Variants in SLIT3 observed in about 807,000 individuals in gnomAD.
The protein encoded by SLIT3 is slit homolog 3 protein.
SLIT3 carries 68 observed loss-of-function variants against 184.0 expected under a neutral mutation model. The observed-to-expected ratio is 0.37, with a 90% confidence interval of 0.30 to 0.45. The LOEUF is 0.45. Among genes scored for constraint, SLIT3 ranks in the 20% least tolerant of loss-of-function variants. The pLI is 1.00. For missense variants in SLIT3, 1,707 were observed against 2,026.0 expected (o/e 0.84, Z 3.02); for synonymous variants, 831 against 828.6 (o/e 1.00, Z -0.05).
At chr5:169,128,601 T>A (rs1206094511) in intron 4 of SLIT3, among the ~76,000 whole-genome samples, 1 of 152,044 alleles carries the variant, frequency 6.6e-6, no homozygotes, top group Non-Finnish European at 1.5e-5. Context: ...GCTAATGTTT[T>A]TGTATTTTTA....
chr5:168,760,069 G>A (rs1467236498), intron 16 of SLIT3, among the ~76,000 whole-genome samples: 1 of 152,216 alleles, frequency 6.6e-6, no homozygotes, highest in African/African-American at 2.4e-5. Context: ...CATTAGCTGT[G>A]TGGTCTTAGA....
intron 4 of SLIT3, among the ~76,000 whole-genome samples, chr5:169,010,452 G>A (rs1429931143): frequency 6.6e-6 from 1 of 152,114 alleles, no homozygotes; most frequent in African/African-American, 2.4e-5. Context: ...ATTACAGGAT[G>A]CCCTGTACTG....
chr5:168,999,002 C>G (rs1755610700), intron 4 of SLIT3, among the ~76,000 whole-genome samples: 1 of 152,022 alleles, frequency 6.6e-6, no homozygotes, highest in Non-Finnish European at 1.5e-5. Context: ...CAGCCTCAAC[C>G]TCCCAGACTC....
At chr5:169,245,773 T>G (rs889259538) in intron 2 of SLIT3, among the ~76,000 whole-genome samples, 1 of 152,156 alleles carries the variant, frequency 6.6e-6, no homozygotes, top group Admixed American at 6.5e-5. Context: ...TCAAACTGAA[T>G]GCTCCATGAC....
At chr5:169,052,098 G>A (rs1192697400) in intron 4 of SLIT3, among the ~76,000 whole-genome samples, 2 of 150,832 alleles carry the variant, frequency 1.3e-5, no homozygotes, top group African/African-American at 4.9e-5. Context: ...ACAGAAATGC[G>A]TGTGCATTTT....
chr5:169,192,423 CTG>C (rs3038088), intron 4 of SLIT3, among the ~76,000 whole-genome samples: 29,561 of 147,958 alleles, frequency 0.2, 3,096 homozygotes, highest in East Asian at 0.39. Context: ...TATATAGTCT[CTG>C]TGTGTGTGTG....
chr5:169,045,231 C>T (rs1438516824), intron 4 of SLIT3, among the ~76,000 whole-genome samples: 1 of 152,096 alleles, frequency 6.6e-6, no homozygotes, highest in Admixed American at 6.5e-5. Flanking sequence ...GGAGGGGTGA[C>T]TCCTGTAGGC....
In SLIT3 at chr5:168,817,092, T is replaced by C. The variant is rs1323907828; in HGVS notation, c.793+208A>G. The stretch of plus-strand genomic sequence containing the variant: ...CATGAATTCTTTTAGCATTTCCCTT[T>C]ACCAGATGACAAGAGTTTCTGTTTT... On this transcript the variant is annotated intron_variant, in intron 8 of 35. Coordinates refer to ENST00000519560, the MANE Select transcript of SLIT3 (RefSeq NM_003062.4). Among the ~76,000 whole-genome samples, 3 of 152,252 alleles carry C rather than the reference T, an allele frequency of 2.0e-5. No homozygotes were observed. In the East Asian group the frequency reaches 5.8e-4, roughly 29 times the overall value.
intron 10 of SLIT3, 79 bp downstream of exon 10, chr5:168,795,428 A>G: frequency 1.9e-6 from 2 of 1,028,520 alleles, no homozygotes; most frequent in Non-Finnish European, 3.1e-6. Flanking sequence ...CGTCACCTGG[A>G]CAGGTTGCCC....
At chr5:168,772,680 G>T in intron 14 of SLIT3, 101 bp downstream of exon 14, 1 of 1,289,908 alleles carries the variant, frequency 7.8e-7, no homozygotes. Context: ...CTCCCCAGGA[G>T]CCATTACAGT....
chr5:169,181,727 C>T (rs952131737), intron 4 of SLIT3, among the ~76,000 whole-genome samples: 3 of 135,312 alleles, frequency 2.2e-5, no homozygotes, highest in East Asian at 2.2e-4. Context: ...GGCGACAGAG[C>T]GAGACTTCAT....
At chr5:168,721,841 G>A (rs1277281770) in intron 23 of SLIT3, among the ~76,000 whole-genome samples, 1 of 152,206 alleles carries the variant, frequency 6.6e-6, no homozygotes. Flanking sequence ...TTTCCATGCA[G>A]AGGTTCACCA....
At chr5:169,016,050 C>T (rs1194602042) in intron 4 of SLIT3, among the ~76,000 whole-genome samples, 1 of 151,770 alleles carries the variant, frequency 6.6e-6, no homozygotes, top group East Asian at 1.9e-4. Context: ...CTCTCTTTGT[C>T]AAATCTCCTT....
intron 27 of SLIT3, among the ~76,000 whole-genome samples, chr5:168,699,839 G>T (rs1365625271): frequency 6.6e-6 from 1 of 152,152 alleles, no homozygotes; most frequent in African/African-American, 2.4e-5. Flanking sequence ...TATAATAAAT[G>T]CCACTTATTT....
intron 20 of SLIT3, 59 bp downstream of exon 20, chr5:168,748,243 T>C: frequency 7.0e-7 from 1 of 1,430,346 alleles, no homozygotes; most frequent in Non-Finnish European, 9.2e-7. Flanking sequence ...GGGTAAAGTA[T>C]GGAGGATGCT....
chr5:168,694,545 G>A (rs1561878417), intron 28 of SLIT3, among the ~76,000 whole-genome samples: 1 of 152,156 alleles, frequency 6.6e-6, no homozygotes, highest in Non-Finnish European at 1.5e-5. Flanking sequence ...AGAGGGAAGG[G>A]GAGGTAACCC....
intron 4 of SLIT3, among the ~76,000 whole-genome samples, chr5:169,129,523 G>A (rs1170658735): frequency 1.3e-5 from 2 of 152,112 alleles, no homozygotes; most frequent in African/African-American, 2.4e-5. Flanking sequence ...TTGCACTCCA[G>A]CCTGGGCAAT....
chr5:168,884,472 AAAG>A (rs1423690789), intron 4 of SLIT3, among the ~76,000 whole-genome samples: 1 of 137,714 alleles, frequency 7.3e-6, no homozygotes, highest in Admixed American at 7.6e-5. Context: ...TTATTTTTTA[AAAG>A]AACACCCGAA....
rs1279460564 is a variant in SLIT3 at position 169,085,565 on chromosome 5, A to G, written c.413+107914T>C. 7.9e-5 allele frequency among the ~76,000 whole-genome samples: 12 copies of G among 152,194 alleles called. 1 individual carries two copies. Among genetic ancestry groups the G allele is most frequent in the Admixed American group, 7.9e-4 (12 of 15,280 alleles). On this transcript the variant is annotated intron_variant, in intron 4 of 35. Coordinates refer to ENST00000519560, the MANE Select transcript of SLIT3 (RefSeq NM_003062.4). Reference sequence around the variant, plus strand: ...CCCCAATTCCCCAAATCCAGGCCACATGCATGGCTGTTTAAGCCTTGATGA... The same window carrying G: ...CCCCAATTCCCCAAATCCAGGCCACGTGCATGGCTGTTTAAGCCTTGATGA...
Sources: allele counts gnomAD v4.1 joint callset (sites outside exome capture counted in the v4.1 genomes callset), GRCh38; gene constraint gnomAD v4.1.1; transcripts MANE v1.5; gene names NCBI Gene and HGNC (gene_info 2026-07-23, HGNC 2026-07-21).